CFAP43: variants seen among roughly 807,000 people sequenced by gnomAD.
CFAP43 encodes cilia and flagella associated protein 43.
A neutral mutation model predicts 218.9 loss-of-function variants in CFAP43; 155 were observed. The ratio of observed to expected loss-of-function variants is 0.71; its 90% CI spans 0.62 to 0.81. CFAP43 has a LOEUF of 0.81. Ranked by LOEUF, CFAP43 falls within the 30% of genes least tolerant of loss-of-function variation. CFAP43 has a pLI of 0.00. For missense variants in CFAP43, 1,778 were observed against 1,954.3 expected (o/e 0.91, Z 1.70); for synonymous variants, 645 against 681.3 (o/e 0.95, Z 0.83).
At chr10:104,179,788 T>C (rs2089761346) in intron 18 of CFAP43, 52 bp downstream of exon 18, 1 of 1,327,642 alleles carries the variant, frequency 7.5e-7, no homozygotes, top group South Asian at 1.3e-5. Context: ...ACTAATCTAT[T>C]TGGTGCATCT....
chr10:104,129,938 T>A lies in CFAP43; in HGVS notation c.*201A>T. The A allele has an allele frequency of 2.0e-6, 1 of 497,322 alleles. No homozygotes were observed. The highest frequency in any genetic ancestry group is 3.5e-5 in the South Asian group (1 of 28,478). 30.8% of individuals were successfully genotyped at this position (497,322 alleles called of 1,614,324 possible). ...ATTCTTGAATAAAAACAGCAATTCA[T>A]GGTATTTTACACATTTATTCATGCA... On this transcript the variant is annotated 3_prime_UTR_variant, in exon 38 of 38. Coordinates refer to ENST00000357060, the MANE Select transcript of CFAP43 (RefSeq NM_025145.7).
chr10:104,224,050 T>C (rs2135005364), intron 3 of CFAP43, among the ~76,000 whole-genome samples: 1 of 152,264 alleles, frequency 6.6e-6, no homozygotes, highest in Non-Finnish European at 1.5e-5. Flanking sequence ...GATGAATTTA[T>C]TTATTTATTT....
At chr10:104,231,408 GA>G (rs1219606024) in intron 1 of CFAP43, among the ~76,000 whole-genome samples, 1 of 152,220 alleles carries the variant, frequency 6.6e-6, no homozygotes. Flanking sequence ...CGACGTGAAT[GA>G]AAGGCTAGCA....
At chr10:104,169,253 G>C (rs1036159094) in intron 20 of CFAP43, among the ~76,000 whole-genome samples, 2 of 152,118 alleles carry the variant, frequency 1.3e-5, no homozygotes, top group African/African-American at 4.8e-5. Flanking sequence ...TTATTAGAGA[G>C]GTCTGGAATT....
At chr10:104,167,169 G>T (rs2089196171) in intron 22 of CFAP43, among the ~76,000 whole-genome samples, 1 of 152,192 alleles carries the variant, frequency 6.6e-6, no homozygotes, top group African/African-American at 2.4e-5. Context: ...AAACTACACT[G>T]AAGGGCAGTG....
intron 32 of CFAP43, 66 bp downstream of exon 32, chr10:104,143,360 A>G (rs112554370): frequency 5.7e-6 from 8 of 1,398,546 alleles, no homozygotes; most frequent in African/African-American, 4.4e-5. Flanking sequence ...GGTTACACTG[A>G]CCAATGTAAA....
At chr10:104,161,243 A>G in intron 26 of CFAP43, 81 bp from the exon 27 acceptor site, 1 of 1,462,848 alleles carries the variant, frequency 6.8e-7, no homozygotes, top group Non-Finnish European at 9.2e-7. Context: ...TTTTTTTTAA[A>G]AAGCCCTTTA....
chr10:104,183,377 A>T (rs1435894012), intron 16 of CFAP43, among the ~76,000 whole-genome samples: 4 of 143,724 alleles, frequency 2.8e-5, no homozygotes, highest in African/African-American at 1.0e-4. Flanking sequence ...AAAGTCCTAG[A>T]CCATCGTTTT....
At chr10:104,161,657 G>T (rs1374848756) in intron 26 of CFAP43, among the ~76,000 whole-genome samples, 1 of 152,104 alleles carries the variant, frequency 6.6e-6, no homozygotes, top group South Asian at 2.1e-4. Context: ...CTGAGACAGG[G>T]TCTTGCTCTG....
chr10:104,171,884 G>A (rs2089427967), intron 20 of CFAP43, among the ~76,000 whole-genome samples: 2 of 152,226 alleles, frequency 1.3e-5, no homozygotes, highest in South Asian at 4.1e-4. Flanking sequence ...AAAACGGCAT[G>A]ATGATGACGA....
At chr10:104,144,478 G>A (rs1027638319) in intron 31 of CFAP43, among the ~76,000 whole-genome samples, 1 of 152,184 alleles carries the variant, frequency 6.6e-6, no homozygotes, top group East Asian at 1.9e-4. Context: ...GTGAAACTCC[G>A]TCTCTACTAA....
chr10:104,180,163 C>G (rs1018550073), intron 17 of CFAP43, among the ~76,000 whole-genome samples: 3 of 152,220 alleles, frequency 2.0e-5, no homozygotes, highest in African/African-American at 7.2e-5. Context: ...GATGATCAGA[C>G]CAGTCACACT....
intron 7 of CFAP43, among the ~76,000 whole-genome samples, chr10:104,204,606 C>T (rs973341629): frequency 6.6e-6 from 1 of 152,130 alleles, no homozygotes; most frequent in African/African-American, 2.4e-5. Context: ...GTTAAACAAA[C>T]ATCAAGGGTG....
chr10:104,176,864 T>G (rs961888017), intron 19 of CFAP43, among the ~76,000 whole-genome samples: 3 of 152,144 alleles, frequency 2.0e-5, no homozygotes, highest in African/African-American at 7.2e-5. Context: ...TCTGAGTTTG[T>G]TACCATAGGC....
intron 27 of CFAP43, among the ~76,000 whole-genome samples, chr10:104,157,777 A>T (rs1856435): frequency 0.32 from 24,828 of 76,958 alleles, 1,977 homozygotes; most frequent in East Asian, 0.37. Context: ...TGTGTGTGTG[A>T]GAGAGAGAGA....
intron 2 of CFAP43, among the ~76,000 whole-genome samples, chr10:104,226,523 T>C (rs2091307770): frequency 6.6e-6 from 1 of 152,040 alleles, no homozygotes; most frequent in Middle Eastern, 3.2e-3. Context: ...CAACTTTAGA[T>C]ATTCTTTAAA....
intron 23 of CFAP43, among the ~76,000 whole-genome samples, 179 bp from the exon 24 acceptor site, chr10:104,164,479 G>A (rs1228023403): frequency 6.6e-6 from 1 of 151,190 alleles, no homozygotes; most frequent in East Asian, 1.9e-4. Flanking sequence ...CTCACCGCAA[G>A]CTCCGCCTCC....
At chr10:104,159,111 G>T (rs1296832034) in intron 27 of CFAP43, among the ~76,000 whole-genome samples, 1 of 151,986 alleles carries the variant, frequency 6.6e-6, no homozygotes, top group South Asian at 2.1e-4. Context: ...TGGATAAAGG[G>T]GTCATTATAC....
rs115156935 is a variant in CFAP43, at chr10:104,211,384, A to G, written c.735+623T>C. On this transcript the variant is annotated intron_variant, in intron 5 of 37. Transcript: ENST00000357060. ...TTGCTTAAAACAGTGTCTGCTCCAT[A>G]GAAGAAACTTGATAAATCTCTGTTG... 1.5e-3 allele frequency among the ~76,000 whole-genome samples: 224 copies of G among 152,270 alleles called. 2 individuals carry two copies. Among genetic ancestry groups the G allele is most frequent in the African/African-American group, 5.3e-3 (219 of 41,560 alleles).
Sources: allele counts gnomAD v4.1 joint callset (sites outside exome capture counted in the v4.1 genomes callset), GRCh38; gene constraint gnomAD v4.1.1; transcripts MANE v1.5; gene names NCBI Gene and HGNC (gene_info 2026-07-23, HGNC 2026-07-21).